CAST: variants seen among roughly 807,000 people sequenced by gnomAD.
CAST encodes the protein calpastatin.
CAST carries 76 observed loss-of-function variants against 119.6 expected under a neutral mutation model. That is an observed-to-expected ratio of 0.64 (90% CI 0.53 to 0.77). The LOEUF (loss-of-function observed/expected upper bound fraction) is 0.77, where lower values mean the gene tolerates loss of function less well. CAST is among the 30% of genes least tolerant of loss of function. CAST has a pLI of 0.00. For missense variants in CAST, 953 were observed against 946.5 expected (o/e 1.01, Z -0.09); for synonymous variants, 319 against 331.6 (o/e 0.96, Z 0.41).
At chr5:96,241,462 A>C in the CAST span, among the ~76,000 whole-genome samples, 4 of 150,950 alleles carry the variant, frequency 2.6e-5, no homozygotes, top group African/African-American at 9.7e-5. Context: ...CCAGTCTATC[A>C]TTGTTGGACA....
chr5:96,438,125 G>T, the CAST span, among the ~76,000 whole-genome samples: 1 of 151,794 alleles, frequency 6.6e-6, no homozygotes, highest in African/African-American at 2.4e-5. Context: ...GTCCGGATAG[G>T]GTCTTTCAAT....
Position 96,708,816 on chromosome 5 carries a change from G to A in CAST, c.210+12909G>A, listed in dbSNP as rs187882094. Among the ~76,000 whole-genome samples, 13 of 152,302 alleles carry A rather than the reference G, an allele frequency of 8.5e-5. No individual in the cohort carries two copies. In the East Asian group the frequency reaches 1.7e-3, roughly 20 times the overall value. On this transcript the variant is annotated intron_variant, in intron 3 of 31. Coordinates refer to ENST00000675179, the MANE Select transcript of CAST (RefSeq NM_001750.7). The stretch of plus-strand genomic sequence containing the variant: ...GCAAAAGAGGATAAACAAGTTCTGG[G>A]ATTACAGGTGTGAGCTGCTGCGCCC...
chr5:96,388,708 T>C, the CAST span, among the ~76,000 whole-genome samples: 7 of 152,186 alleles, frequency 4.6e-5, no homozygotes, highest in Admixed American at 4.6e-4. Flanking sequence ...TTTAAACTTG[T>C]ATTTAAGAAT....
the CAST span, among the ~76,000 whole-genome samples, chr5:96,129,920 C>G: frequency 1.3e-5 from 2 of 151,864 alleles, no homozygotes; most frequent in African/African-American, 4.8e-5. Flanking sequence ...TTTGAGGCAT[C>G]CCTTATAACT....
At chr5:96,380,916 T>G in the CAST span, among the ~76,000 whole-genome samples, 1 of 152,168 alleles carries the variant, frequency 6.6e-6, no homozygotes, top group African/African-American at 2.4e-5. Flanking sequence ...GATTTTAATT[T>G]AGGAGAGCCG....
chr5:96,397,305 T>A, the CAST span: 1 of 1,601,968 alleles, frequency 6.2e-7, no homozygotes, highest in South Asian at 1.1e-5. Context: ...AAAGTAAGCT[T>A]GTGTTTTTTC....
the CAST span, among the ~76,000 whole-genome samples, chr5:96,507,371 G>A: frequency 1.2e-3 from 184 of 152,096 alleles, 3 homozygotes; most frequent in Admixed American, 0.012. Flanking sequence ...TTTTTTCTTT[G>A]ATGTACAAAA....
chr5:96,178,484 G>C, the CAST span, among the ~76,000 whole-genome samples: 1 of 151,898 alleles, frequency 6.6e-6, no homozygotes, highest in African/African-American at 2.4e-5. Context: ...TGAAACAATG[G>C]TGCCTTTGAA....
chr5:96,669,806 C>G (rs1749829335), intron 1 of CAST, among the ~76,000 whole-genome samples: 1 of 152,190 alleles, frequency 6.6e-6, no homozygotes, highest in South Asian at 2.1e-4. Context: ...GCGGAAACTT[C>G]CGCTTCCTAT....
upstream of CAST, among the ~76,000 whole-genome samples, chr5:96,524,474 G>A (rs879435149): frequency 3.3e-5 from 5 of 152,336 alleles, no homozygotes; most frequent in Non-Finnish European, 7.4e-5. Flanking sequence ...CATTCCAGCA[G>A]GGAGTGGAGA....
At position 96,654,468 on chromosome 5, in the gene CAST, G is replaced by A. The variant is rs150186589; in HGVS notation, c.61-21071G>A. Among the ~76,000 whole-genome samples, 218 of 152,186 alleles carry A rather than the reference G, an allele frequency of 1.4e-3. 1 individual carries two copies. Among genetic ancestry groups the A allele is most frequent in the African/African-American group, 5.1e-3 (211 of 41,482 alleles). On this transcript the variant is annotated intron_variant, in intron 1 of 11. Coordinates refer to the CAST transcript ENST00000505143. ...AAAAACCTCACGTGTAGTGTGCATAGCTACTGTATATTACCAGTTTCAAAA... is the reference window on the plus strand; with the variant it reads ...AAAAACCTCACGTGTAGTGTGCATAACTACTGTATATTACCAGTTTCAAAA...
At chr5:96,514,077 C>T in the CAST span, among the ~76,000 whole-genome samples, 1 of 152,130 alleles carries the variant, frequency 6.6e-6, no homozygotes, top group East Asian at 1.9e-4. Flanking sequence ...GGATGAAAGG[C>T]CCTCTGTGCT....
the CAST span, chr5:96,423,456 C>A: frequency 6.2e-7 from 1 of 1,614,032 alleles, no homozygotes; most frequent in Admixed American, 1.7e-5. Context: ...ATCCTGGTAT[C>A]TTGCTGGTAA....
At chr5:96,496,534 A>G in the CAST span, among the ~76,000 whole-genome samples, 1 of 152,240 alleles carries the variant, frequency 6.6e-6, no homozygotes, top group Non-Finnish European at 1.5e-5. Flanking sequence ...ATAAGGCTGC[A>G]AATGCAAAGT....
the CAST span, among the ~76,000 whole-genome samples, chr5:96,057,030 T>C: frequency 1.3e-5 from 2 of 152,178 alleles, no homozygotes; most frequent in Non-Finnish European, 2.9e-5. Context: ...GGCTGCTACA[T>C]GGTTGGATAA....
Position 96,752,998 on chromosome 5 carries a change from A to AT in CAST, c.1525-1049dup, listed in dbSNP as rs549504641. On this transcript the variant is annotated intron_variant, in intron 20 of 31. Coordinates refer to ENST00000675179, the MANE Select transcript of CAST (RefSeq NM_001750.7). ...CACACACACACACACACACTCTTAC[A>AT]TTTTTTTTTTTTTGAGGCAGAGTCT... Among the ~76,000 whole-genome samples, 791 of 140,008 alleles carry AT rather than the reference A, an allele frequency of 5.6e-3. 5 individuals are homozygous for AT. The highest frequency in any genetic ancestry group is 0.014 in the African/African-American group (528 of 38,160). The allele number at this position is 140,008 out of a possible 152,430, so 91.9% of individuals were successfully genotyped here.
chr5:96,319,046 A>G, the CAST span: 3 of 152,290 alleles, frequency 2.0e-5, no homozygotes, highest in Non-Finnish European at 2.9e-5. Flanking sequence ...CTGTAGAAGC[A>G]TGGCACCAGC....
the CAST span, among the ~76,000 whole-genome samples, chr5:96,121,471 A>G: frequency 1.3e-5 from 2 of 151,280 alleles, no homozygotes; most frequent in Non-Finnish European, 2.9e-5. Context: ...TTGAGCTTGC[A>G]TTCATTTTGA....
the CAST span, among the ~76,000 whole-genome samples, chr5:96,035,073 A>ATATATATATATATATATATATTTAAG: frequency 7.6e-6 from 1 of 130,806 alleles, no homozygotes; most frequent in African/African-American, 3.4e-5. Context: ...ATTTAAGTAT[A>ATATATATATATATATATATATTTAAG]TATATATATA....
Sources: allele counts gnomAD v4.1 joint callset (sites outside exome capture counted in the v4.1 genomes callset), GRCh38; gene constraint gnomAD v4.1.1; transcripts MANE v1.5; gene names NCBI Gene and HGNC (gene_info 2026-07-23, HGNC 2026-07-21).